Variants in PIEZO2 observed in about 807,000 individuals in gnomAD.
PIEZO2 encodes piezo type mechanosensitive ion channel component 2.
PIEZO2 carries 172 observed loss-of-function variants against 337.3 expected under a neutral mutation model. The observed-to-expected ratio is 0.51, with a 90% confidence interval of 0.45 to 0.58. PIEZO2 has a LOEUF of 0.58. Ranked by LOEUF, PIEZO2 falls within the 20% of genes least tolerant of loss-of-function variation. The pLI is 0.00. For synonymous variants in PIEZO2, 1,251 were observed against 1,228.5 expected, an observed-to-expected ratio of 1.02 and a Z score of -0.38; for missense variants, 3,028 against 3,391.3, an observed-to-expected ratio of 0.89 and a Z score of 2.66.
intron 7 of PIEZO2, among the ~76,000 whole-genome samples, chr18:10,827,239 T>C (rs1415101126): frequency 1.3e-5 from 2 of 152,212 alleles, no homozygotes; most frequent in Non-Finnish European, 2.9e-5. Context: ...TAGATTTTTT[T>C]CCAATGAGTG....
At chr18:11,134,874 C>T (rs2040437724) in intron 1 of PIEZO2, among the ~76,000 whole-genome samples, 3 of 151,984 alleles carry the variant, frequency 2.0e-5, no homozygotes, top group Non-Finnish European at 4.4e-5. Flanking sequence ...GAAGAAAGAA[C>T]AAAGCATGAT....
At chr18:11,063,842 G>A (rs1207296138) in intron 2 of PIEZO2, among the ~76,000 whole-genome samples, 3 of 152,144 alleles carry the variant, frequency 2.0e-5, no homozygotes, top group African/African-American at 7.2e-5. Context: ...GAGTATGCTT[G>A]AACCTGAGTT....
intron 36 of PIEZO2, among the ~76,000 whole-genome samples, chr18:10,720,637 T>G (rs1040277169): frequency 1.3e-5 from 2 of 150,898 alleles, no homozygotes; most frequent in African/African-American, 4.9e-5. Context: ...GAAAAAATCT[T>G]TTTAGAGATG....
rs2036770967 is a variant in PIEZO2, at chr18:11,032,274, G to T, written c.160+33853C>A. ...ACAGAGGACAACATTTGGAACAAAT[G>T]CAACTTAGTGGTATCTTAACTGGGT... On this transcript the variant is annotated intron_variant, in intron 2 of 55. Coordinates refer to ENST00000674853, the MANE Select transcript of PIEZO2 (RefSeq NM_001378183.1). This position sits in a 1 kb window ranked among gnomAD's most constrained non-coding sequence, Gnocchi z 4.9. 6.6e-6 allele frequency among the ~76,000 whole-genome samples: 1 copy of T among 152,194 alleles called. No homozygotes were observed. The highest frequency in any genetic ancestry group is 1.5e-5 in the Non-Finnish European group (1 of 68,036).
chr18:10,922,651 G>T (rs867123395), intron 3 of PIEZO2, among the ~76,000 whole-genome samples: 3 of 152,068 alleles, frequency 2.0e-5, no homozygotes, highest in Admixed American at 6.6e-5. Context: ...AACAGAAGAC[G>T]ACTGTCCTGG....
At position 10,794,273 on chromosome 18, in the gene PIEZO2, T is replaced by C. The variant is rs1278958848; in HGVS notation, c.1758+499A>G. ...TTCTAACTCAGATAAGAACATATCA[T>C]ATAATCAGTAGAAGAAAAACAGCAA... On this transcript the variant is annotated intron_variant, in intron 13 of 55. Coordinates refer to ENST00000674853, the MANE Select transcript of PIEZO2 (RefSeq NM_001378183.1). This position sits in a 1 kb window ranked among gnomAD's most constrained non-coding sequence, Gnocchi z 6.6. Among the ~76,000 whole-genome samples the C allele has an allele frequency of 6.6e-6, 1 of 152,168 alleles. No individual in the cohort carries two copies. Among genetic ancestry groups the C allele is most frequent in the African/African-American group, 2.4e-5 (1 of 41,432 alleles).
chr18:10,868,861 T>C (rs2144773395), intron 5 of PIEZO2, among the ~76,000 whole-genome samples: 1 of 152,348 alleles, frequency 6.6e-6, no homozygotes, highest in Non-Finnish European at 1.5e-5. Flanking sequence ...TAGGCTTTCT[T>C]AGTCCTATGG....
intron 23 of PIEZO2, 60 bp from the exon 24 acceptor site, chr18:10,761,171 G>T: frequency 7.1e-7 from 1 of 1,405,902 alleles, no homozygotes; most frequent in Non-Finnish European, 9.7e-7. Flanking sequence ...GTAATTTCAA[G>T]CAATCCCCAC....
rs2036630997 is a variant in PIEZO2, at chr18:11,028,863, T to C, written c.160+37264A>G. 6.6e-6 allele frequency among the ~76,000 whole-genome samples: 1 copy of C among 152,088 alleles called. No homozygotes were observed. The highest frequency in any genetic ancestry group is 6.5e-5 in the Admixed American group (1 of 15,268). On this transcript the variant is annotated intron_variant, in intron 2 of 55. Coordinates refer to ENST00000674853, the MANE Select transcript of PIEZO2 (RefSeq NM_001378183.1). This position sits in a 1 kb window ranked among gnomAD's most constrained non-coding sequence, Gnocchi z 4.8. ...GACTCACTTCTTCAGCAAATATTCA[T>C]CAATTGCCCTGTGCCAAAGAATACA...
chr18:11,106,213 A>C (rs968115952), intron 1 of PIEZO2, among the ~76,000 whole-genome samples: 1 of 150,388 alleles, frequency 6.6e-6, no homozygotes, highest in African/African-American at 2.4e-5. Context: ...CAGCCTCCCG[A>C]GTAGCTGGGA....
chr18:11,090,870 C>T (rs992795177), intron 1 of PIEZO2, among the ~76,000 whole-genome samples: 13 of 148,670 alleles, frequency 8.7e-5, no homozygotes, highest in Non-Finnish European at 1.8e-4. Flanking sequence ...GCCGAGATCG[C>T]GCCACTGCAC....
chr18:11,117,540 T>C (rs2039925131), intron 1 of PIEZO2, among the ~76,000 whole-genome samples: 1 of 152,226 alleles, frequency 6.6e-6, no homozygotes, highest in Non-Finnish European at 1.5e-5. Flanking sequence ...TTTACATAAT[T>C]TCAATGTAAC....
rs2040251812 is a variant in PIEZO2, at chr18:11,128,537, C to T, written c.64+19988G>A. On this transcript the variant is annotated intron_variant, in intron 1 of 55. Transcript: ENST00000674853. This position sits in a 1 kb window ranked among gnomAD's most constrained non-coding sequence, Gnocchi z 4.1. Reference sequence around the variant, plus strand: ...CCTTTTTTGCCAGAAGGAACAGCTTCCCCATCCCCAGTAGCGGCAACATCC... The same window carrying T: ...CCTTTTTTGCCAGAAGGAACAGCTTTCCCATCCCCAGTAGCGGCAACATCC... 6.6e-6 allele frequency among the ~76,000 whole-genome samples: 1 copy of T among 152,178 alleles called. No individual in the cohort carries two copies. Among genetic ancestry groups the T allele is most frequent in the East Asian group, 1.9e-4 (1 of 5,194 alleles).
intron 3 of PIEZO2, among the ~76,000 whole-genome samples, chr18:10,917,913 G>A (rs2031109281): frequency 6.6e-6 from 1 of 152,126 alleles, no homozygotes; most frequent in South Asian, 2.1e-4. Flanking sequence ...ACTCTTCAGA[G>A]GAAGAGATTT....
rs935425681 is a variant in PIEZO2, at chr18:11,032,227, G to A, written c.160+33900C>T. Among the ~76,000 whole-genome samples, 10 of 152,288 alleles carry A rather than the reference G, an allele frequency of 6.6e-5. No homozygotes were observed. Among genetic ancestry groups the A allele is most frequent in the South Asian group, 2.1e-4 (1 of 4,826 alleles). ...CCTTATGTCTCAACATTGATTCTCG[G>A]GTCTCCAGTGTGGTCCACAGGACAG... On this transcript the variant is annotated intron_variant, in intron 2 of 55. Transcript: ENST00000674853. This position sits in a 1 kb window ranked among gnomAD's most constrained non-coding sequence, Gnocchi z 4.9.
At chr18:10,836,059 T>C (rs1039536346) in intron 7 of PIEZO2, among the ~76,000 whole-genome samples, 3 of 152,212 alleles carry the variant, frequency 2.0e-5, no homozygotes, top group African/African-American at 7.2e-5. Context: ...CCTGTGACTT[T>C]ATGAACAGTT....
rs1303131036 is a variant in PIEZO2 at position 10,670,301 on chromosome 18, G to A, written c.*1226C>T. 1 of 152,058 alleles carries A rather than the reference G, an allele frequency of 6.6e-6. No homozygotes were observed. The highest frequency in any genetic ancestry group is 6.6e-5 in the Admixed American group (1 of 15,260). 9.4% of individuals were successfully genotyped at this position (152,058 alleles called of 1,614,324 possible). On this transcript the variant is annotated 3_prime_UTR_variant, in exon 56 of 56. Coordinates refer to ENST00000674853, the MANE Select transcript of PIEZO2 (RefSeq NM_001378183.1). ...TCAGCCCTGAACCCAAACTACACAGGATCAATTTTTGACATATTCTAGTCC... is the reference window on the plus strand; with the variant it reads ...TCAGCCCTGAACCCAAACTACACAGAATCAATTTTTGACATATTCTAGTCC...
intron 4 of PIEZO2, among the ~76,000 whole-genome samples, chr18:10,887,417 A>G (rs1255978088): frequency 2.6e-5 from 4 of 152,044 alleles, no homozygotes; most frequent in Non-Finnish European, 5.9e-5. Context: ...GCTATCACAA[A>G]GACAGCACCA....
At chr18:10,779,584 A>G (rs1238297833) in intron 18 of PIEZO2, among the ~76,000 whole-genome samples, 1 of 152,232 alleles carries the variant, frequency 6.6e-6, no homozygotes, top group African/African-American at 2.4e-5. Flanking sequence ...GTGCTGTGCA[A>G]ACATATGAAA....
Sources: allele counts gnomAD v4.1 joint callset (sites outside exome capture counted in the v4.1 genomes callset), GRCh38; gene constraint gnomAD v4.1.1; non-coding constraint Gnocchi (gnomAD v3.1); transcripts MANE v1.5; gene names NCBI Gene and HGNC (gene_info 2026-07-23, HGNC 2026-07-21).